DCDC1: variants seen among roughly 807,000 people sequenced by gnomAD.
DCDC1 encodes the protein doublecortin domain containing 1, also known as doublecortin domain-containing protein 1.
DCDC1 carries 200 observed loss-of-function variants against 178.3 expected under a neutral mutation model. The ratio of observed to expected loss-of-function variants is 1.12; its 90% confidence interval spans 1.00 to 1.26. The LOEUF (loss-of-function observed/expected upper bound fraction) is 1.26. DCDC1 is among the 50% of genes most tolerant of loss of function. The pLI, the probability that DCDC1 is intolerant of heterozygous loss-of-function variation, is 0.00. For synonymous variants in DCDC1, 690 were observed against 604.8 expected (o/e 1.14, Z -2.07); for missense variants, 1,983 against 1,749.2 (o/e 1.13, Z -2.38).
chr11:30,935,169 A>G (rs1443139698), intron 21 of DCDC1, among the ~76,000 whole-genome samples: 1 of 152,156 alleles, frequency 6.6e-6, no homozygotes, highest in Non-Finnish European at 1.5e-5. Flanking sequence ...CCTTGGACAC[A>G]TGTAGTTTAT....
At chr11:31,113,001 T>C (rs1959218332) in intron 11 of DCDC1, among the ~76,000 whole-genome samples, 1 of 152,236 alleles carries the variant, frequency 6.6e-6, no homozygotes, top group South Asian at 2.1e-4. Flanking sequence ...AACAAATGAG[T>C]AAATCATATA....
chr11:31,083,410 G>A (rs1208341619), intron 17 of DCDC1, among the ~76,000 whole-genome samples: 1 of 152,138 alleles, frequency 6.6e-6, no homozygotes, highest in Non-Finnish European at 1.5e-5. Context: ...ACATGTAGGG[G>A]CTTTTGCAAA....
intron 3 of DCDC1, among the ~76,000 whole-genome samples, chr11:31,315,544 G>C (rs1164816223): frequency 3.3e-5 from 5 of 151,140 alleles, no homozygotes; most frequent in Admixed American, 2.0e-4. Flanking sequence ...CACCGTGTTA[G>C]CCAGGATGGT....
intron 3 of DCDC1, among the ~76,000 whole-genome samples, chr11:31,310,730 GA>G (rs1948725195): frequency 6.6e-6 from 1 of 152,142 alleles, no homozygotes; most frequent in African/African-American, 2.4e-5. Context: ...TCCCACATGG[GA>G]ATTAAACCCA....
intron 1 of DCDC1, among the ~76,000 whole-genome samples, chr11:31,347,122 C>T (rs1028806673): frequency 2.0e-5 from 3 of 152,132 alleles, no homozygotes; most frequent in Admixed American, 2.0e-4. Context: ...TAACTACCTC[C>T]AGCCTCAGCA....
chr11:31,261,175 A>G (rs1171743441), intron 8 of DCDC1, among the ~76,000 whole-genome samples: 1 of 152,158 alleles, frequency 6.6e-6, no homozygotes. Flanking sequence ...CTTCACTTCC[A>G]TCTGCATTGT....
intron 9 of DCDC1, among the ~76,000 whole-genome samples, chr11:31,193,089 C>T (rs780204380): frequency 2.0e-5 from 3 of 151,976 alleles, no homozygotes; most frequent in Non-Finnish European, 4.4e-5. Flanking sequence ...AGAGTTACAC[C>T]ATTGTCTCTG....
At chr11:30,973,726 C>CA (rs1457257765) in intron 20 of DCDC1, among the ~76,000 whole-genome samples, 12 of 152,256 alleles carry the variant, frequency 7.9e-5, no homozygotes, top group South Asian at 2.1e-4. Context: ...ATGCACCCAA[C>CA]ACGGGTGCAT....
At chr11:31,222,461 G>C (rs1280821578) in intron 9 of DCDC1, among the ~76,000 whole-genome samples, 2 of 152,100 alleles carry the variant, frequency 1.3e-5, no homozygotes, top group Non-Finnish European at 2.9e-5. Flanking sequence ...AACTCTTCCA[G>C]TCTGTACCTA....
intron 9 of DCDC1, among the ~76,000 whole-genome samples, chr11:31,205,834 T>C (rs1356012958): frequency 6.6e-6 from 1 of 152,178 alleles, no homozygotes; most frequent in Non-Finnish European, 1.5e-5. Context: ...ATTGGAGACA[T>C]ACTTATGCTA....
chr11:31,114,527 A>C, intron 11 of DCDC1, among the ~76,000 whole-genome samples: 1 of 152,136 alleles, frequency 6.6e-6, no homozygotes, highest in Admixed American at 6.6e-5. Flanking sequence ...AGCTTCAAAG[A>C]GGGAAAACAA....
chr11:31,248,142 C>G (rs1281192072), intron 8 of DCDC1, among the ~76,000 whole-genome samples: 1 of 151,822 alleles, frequency 6.6e-6, no homozygotes. Flanking sequence ...TAAATCTAAC[C>G]TAAAATAGAA....
intron 20 of DCDC1, among the ~76,000 whole-genome samples, chr11:30,957,183 T>C (rs924741755): frequency 2.0e-5 from 3 of 152,162 alleles, no homozygotes; most frequent in African/African-American, 4.8e-5. Context: ...TGCTTTCTGC[T>C]GTTAATTTTC....
chr11:31,244,447 CTTCAAACTACTATGTAGAAATA>C (rs1355013829), intron 8 of DCDC1, among the ~76,000 whole-genome samples: 3 of 151,702 alleles, frequency 2.0e-5, no homozygotes, highest in Admixed American at 6.6e-5. Flanking sequence ...GCTTCTCTGT[CTTCAAACTACTATGTAGAAATA>C]TTCAAACTAC....
chr11:31,178,160 C>T (rs1235809919), intron 9 of DCDC1, among the ~76,000 whole-genome samples: 1 of 152,178 alleles, frequency 6.6e-6, no homozygotes, highest in East Asian at 1.9e-4. Context: ...AGCTATATTA[C>T]TAAAATAGCA....
intron 15 of DCDC1, among the ~76,000 whole-genome samples, chr11:31,101,861 G>C (rs1958525400): frequency 6.6e-6 from 1 of 152,164 alleles, no homozygotes; most frequent in Admixed American, 6.5e-5. Flanking sequence ...CGGATCACTT[G>C]AAGTCAGGAA....
intron 20 of DCDC1, among the ~76,000 whole-genome samples, chr11:31,023,060 A>T (rs913565131): frequency 6.6e-6 from 1 of 151,986 alleles, no homozygotes; most frequent in Non-Finnish European, 1.5e-5. Context: ...CAAAGGCTCC[A>T]CTCTAAGGAA....
chr11:30,926,139 C>T (rs532868959), intron 22 of DCDC1, among the ~76,000 whole-genome samples: 59 of 152,240 alleles, frequency 3.9e-4, no homozygotes, highest in African/African-American at 5.3e-4. Context: ...ACCTGCCCAG[C>T]GTGCTGTGAG....
chr11:31,283,925 G>C (rs1325026565), intron 7 of DCDC1, among the ~76,000 whole-genome samples: 1 of 151,742 alleles, frequency 6.6e-6, no homozygotes, highest in African/African-American at 2.4e-5. Context: ...GGGAAACACT[G>C]TGCTTTTCTC....
Sources: gnomAD v4.1 joint callset for allele counts (sites outside exome capture counted in the v4.1 genomes callset) on GRCh38, gnomAD v4.1.1 for gene constraint, MANE v1.5 for transcripts, NCBI Gene and HGNC (gene_info 2026-07-23, HGNC 2026-07-21) for gene names.